The following ENO4 variants were observed in gnomAD, a reference collection of about 807,000 sequenced individuals.
ENO4 encodes 2-phospho-D-glycerate hydro-lyase.
A neutral mutation model predicts 63.2 loss-of-function variants in ENO4; 53 were observed. That is an observed-to-expected ratio of 0.84 (90% CI 0.67 to 1.05). The LOEUF is 1.05. Ranked by LOEUF, ENO4 falls within the 50% of genes least tolerant of loss-of-function variation. ENO4 has a pLI of 0.00. For synonymous variants in ENO4, 266 were observed against 283.8 expected, an observed-to-expected ratio of 0.94 and a Z score of 0.63; for missense variants, 719 against 772.0, an observed-to-expected ratio of 0.93 and a Z score of 0.81.
Position 116,858,978 on chromosome 10 carries a change from C to A in ENO4, c.486-12C>A. The stretch of plus-strand genomic sequence containing the variant: ...ATATCCCACTGTAAAGCCATATTTT[C>A]TTGCTATTAAGGATATTCTTCGCAA... On this transcript the variant is annotated splice_polypyrimidine_tract_variant and intron_variant, in intron 3 of 13. Coordinates refer to ENST00000341276, the MANE Select transcript of ENO4 (RefSeq NM_001242699.2). 1 of 1,518,428 alleles carries A rather than the reference C, an allele frequency of 6.6e-7. No individual in the cohort carries two copies. Among genetic ancestry groups the A allele is most frequent in the Non-Finnish European group, 8.8e-7 (1 of 1,132,970 alleles). The allele number at this position is 1,518,428 out of a possible 1,614,324, so 94.1% of individuals were successfully genotyped here.
At chr10:116,856,232 T>A (rs1045053917) in intron 2 of ENO4, among the ~76,000 whole-genome samples, 6 of 152,194 alleles carry the variant, frequency 3.9e-5, no homozygotes, top group Admixed American at 6.5e-5. Context: ...TAAGTCTGAT[T>A]TTTATTGTTA....
At chr10:116,905,340 T>G (rs1376294994) in intron 10 of ENO4, among the ~76,000 whole-genome samples, 1 of 152,080 alleles carries the variant, frequency 6.6e-6, no homozygotes, top group Non-Finnish European at 1.5e-5. Context: ...GGCTGCATAA[T>G]GCTCACAAAA....
intron 13 of ENO4, among the ~76,000 whole-genome samples, chr10:116,880,545 T>C (rs968730717): frequency 6.6e-6 from 1 of 152,190 alleles, no homozygotes. Flanking sequence ...ATATTACTGA[T>C]TGTGATGGCC....
chr10:116,868,780 T>C (rs1846612194), intron 8 of ENO4, 74 bp downstream of exon 8: 3 of 1,352,602 alleles, frequency 2.2e-6, no homozygotes, highest in East Asian at 2.5e-5. Flanking sequence ...TTATCTTCCA[T>C]AGTCACTTTT....
chr10:116,882,598 A>G lies in ENO4; in HGVS notation c.*929A>G, dbSNP rs1237488377. The G allele has an allele frequency of 6.6e-6, 1 of 152,206 alleles. No individual in the cohort carries two copies. The highest frequency in any genetic ancestry group is 2.4e-5 in the African/African-American group (1 of 41,464). The allele number at this position is 152,206 out of a possible 1,614,324, so 9.4% of individuals were successfully genotyped here. Reference sequence around the variant, plus strand: ...CATTTGCTTCTCCTAAAAATTATATAAATTGCTATGTACTGACCTGTAGGG... The same window carrying G: ...CATTTGCTTCTCCTAAAAATTATATGAATTGCTATGTACTGACCTGTAGGG... On this transcript the variant is annotated 3_prime_UTR_variant, in exon 14 of 14. Transcript: ENST00000341276.
chr10:116,901,148 G>C (rs550270558), intron 10 of ENO4: 6 of 985,314 alleles, frequency 6.1e-6, no homozygotes, highest in East Asian at 2.3e-4. Flanking sequence ...CAAAACTGTA[G>C]ACTAATTTCA....
chr10:116,849,834 G>T (rs1384671343), intron 1 of ENO4, 103 bp downstream of exon 1: 2 of 1,327,954 alleles, frequency 1.5e-6, no homozygotes, highest in African/African-American at 3.0e-5. Context: ...AATCTCGCAT[G>T]CCAGCCGCCC....
intron 10 of ENO4, among the ~76,000 whole-genome samples, chr10:116,890,911 A>T (rs1847323869): frequency 6.6e-6 from 1 of 152,252 alleles, no homozygotes; most frequent in Non-Finnish European, 1.5e-5. Context: ...ATTTTTAAAA[A>T]GGACATCGTT....
At chr10:116,912,310 G>A (rs1848230746), downstream of ENO4, among the ~76,000 whole-genome samples, 2 of 152,192 alleles carry the variant, frequency 1.3e-5, no homozygotes, top group African/African-American at 4.8e-5. Context: ...ACCAGCTATG[G>A]GAGGAGGTCA....
chr10:116,859,184 G>A (rs1178804010), intron 4 of ENO4, 46 bp downstream of exon 4: 3 of 1,466,744 alleles, frequency 2.0e-6, no homozygotes, highest in Admixed American at 2.3e-5. Context: ...ACAAATGTGT[G>A]AGGAAGAAAG....
In ENO4 at chr10:116,860,870, C is replaced by T. The variant is rs1336952341; in HGVS notation, c.711C>T (p.Ala237=). 6.5e-7 allele frequency: 1 copy of T among 1,549,554 alleles called. No individual in the cohort carries two copies. Among genetic ancestry groups the T allele is most frequent in the African/African-American group, 1.4e-5 (1 of 73,036 alleles). Residue 237 remains alanine (A), a synonymous_variant, in exon 5 of 14, where the codon GCC becomes GCT. Transcript: ENST00000341276. ...PVEPVLSGSM[A]IGAVSLAVAK... ...AGCCTGTACTCAGTGGCAGTATGGC[C>T]ATAGGGGCCGTGTCACTAGCTGTTG...
intron 4 of ENO4, 58 bp downstream of exon 4, chr10:116,859,196 C>CTGAA: frequency 6.9e-7 from 1 of 1,456,140 alleles, no homozygotes; most frequent in Non-Finnish European, 9.0e-7. Context: ...GGAAGAAAGG[C>CTGAA]TGAAGCCTGG....
intron 1 of ENO4, among the ~76,000 whole-genome samples, chr10:116,851,473 AAC>A (rs1846083169): frequency 6.6e-6 from 1 of 152,228 alleles, no homozygotes; most frequent in Admixed American, 6.5e-5. Flanking sequence ...CAGCCTCGGC[AAC>A]AGAGCGAGAC....
chr10:116,911,634 A>G (rs1194825609), exon 11 of ENO4: 1 of 1,557,598 alleles, frequency 6.4e-7, no homozygotes, highest in Non-Finnish European at 8.7e-7. Context: ...TATGTGATGG[A>G]GCAGTCTGTA....
At chr10:116,873,769 G>A in intron 9 of ENO4, 1 of 583,182 alleles carries the variant, frequency 1.7e-6, no homozygotes, top group Non-Finnish European at 2.2e-6. Context: ...ATCTACGCAG[G>A]CAGCCAAGTC....
Position 116,901,025 on chromosome 10 carries a change from G to A in ENO4, c.1195-10474G>A, listed in dbSNP as rs979981835. ...GGTTCTTTCTCTCTTGATAGGACAGGAAATCAGAGGTTTAATTAACCATGA... is the reference window on the plus strand; with the variant it reads ...GGTTCTTTCTCTCTTGATAGGACAGAAAATCAGAGGTTTAATTAACCATGA... On this transcript the variant is annotated intron_variant, in intron 10 of 10. Transcript: ENST00000369207. 1.0e-5 allele frequency: 10 copies of A among 985,246 alleles called. No individual in the cohort carries two copies. The African/African-American group carries it at 1.6e-4, about 15-fold the overall frequency. The allele number at this position is 985,246 out of a possible 1,614,324, so 61.0% of individuals were successfully genotyped here. A position where few individuals can be genotyped will look rare whatever the true frequency, so the allele number is the denominator to read the frequency against.
At chr10:116,887,458 T>G (rs1213338295), downstream of ENO4, among the ~76,000 whole-genome samples, 1 of 152,148 alleles carries the variant, frequency 6.6e-6, no homozygotes, top group Non-Finnish European at 1.5e-5. Flanking sequence ...CAGGCCTTTT[T>G]GTCCCTGAGA....
At chr10:116,879,153 T>G (rs1396784042) in intron 11 of ENO4, 138 bp from the exon 12 acceptor site, 1 of 603,890 alleles carries the variant, frequency 1.7e-6, no homozygotes, top group Non-Finnish European at 2.9e-6. Flanking sequence ...AATGCAAACG[T>G]TAGAATCCTA....
Position 116,860,883 on chromosome 10 carries a change from T to C in ENO4, c.724T>C (p.Ser242Pro). The change falls in exon 5 of 14, where the codon TCA (serine) becomes CCA (proline). Residue 242 changes from serine (S) to proline (P), a missense_variant. Physicochemically the swap from Ser to Pro is moderately conservative, Grantham distance 74. Coordinates refer to ENST00000341276, the MANE Select transcript of ENO4 (RefSeq NM_001242699.2). ...LSGSMAIGAVSLAVAKACAML... is the reference protein window; with the variant it reads ...LSGSMAIGAVPLAVAKACAML... ...TGGCAGTATGGCCATAGGGGCCGTG[T>C]CACTAGCTGTTGCCAAAGCCTGTGC... 1 of 1,550,012 alleles carries C rather than the reference T, an allele frequency of 6.5e-7. No homozygotes were observed. Among genetic ancestry groups the C allele is most frequent in the Non-Finnish European group, 8.7e-7 (1 of 1,146,524 alleles).
Sources: gnomAD v4.1 joint callset for allele counts (sites outside exome capture counted in the v4.1 genomes callset) on GRCh38, gnomAD v4.1.1 for gene constraint, MANE v1.5 for transcripts, NCBI Gene and HGNC (gene_info 2026-07-23, HGNC 2026-07-21) for gene names.